The following KIAA1328 variants were observed in gnomAD, a reference collection of about 807,000 sequenced individuals.
KIAA1328 encodes KIAA1328.
In KIAA1328, 52 loss-of-function variants were observed where a neutral mutation model predicts 68.1. That is an observed-to-expected ratio of 0.76 (90% confidence interval 0.61 to 0.96). KIAA1328 has a LOEUF of 0.96. KIAA1328 is among the 40% of genes least tolerant of loss of function. KIAA1328 has a pLI of 0.00. For missense variants in KIAA1328, 641 were observed against 677.6 expected (o/e 0.95, Z 0.60); for synonymous variants, 232 against 239.4 (o/e 0.97, Z 0.28).
Position 37,225,203 on chromosome 18 carries a change from G to C in KIAA1328, c.*2976G>C, listed in dbSNP as rs2060625410. 1 of 985,548 alleles carries C rather than the reference G, an allele frequency of 1.0e-6. No individual in the cohort carries two copies. The highest frequency in any genetic ancestry group is 6.1e-5 in the Admixed American group (1 of 16,294). The allele number at this position is 985,548 out of a possible 1,614,324, so 61.1% of individuals were successfully genotyped here. On this transcript the variant is annotated 3_prime_UTR_variant, in exon 10 of 10. Coordinates refer to ENST00000280020, the MANE Select transcript of KIAA1328 (RefSeq NM_020776.3). Reference sequence around the variant, plus strand: ...GAGCTGGACGAAGTCTGCTAAGAGAGATGGAGGCTGTGGCGGACTCCTTCC... The same window carrying C: ...GAGCTGGACGAAGTCTGCTAAGAGACATGGAGGCTGTGGCGGACTCCTTCC...
At position 37,225,099 on chromosome 18, in the gene KIAA1328, G is replaced by C; in HGVS notation, c.*2872G>C. 1.0e-6 allele frequency: 1 copy of C among 985,422 alleles called. No homozygotes were observed. Among genetic ancestry groups the C allele is most frequent in the African/African-American group, 1.7e-5 (1 of 57,336 alleles). 61.0% of individuals were successfully genotyped at this position (985,422 alleles called of 1,614,324 possible). On this transcript the variant is annotated 3_prime_UTR_variant, in exon 10 of 10. Coordinates refer to ENST00000280020, the MANE Select transcript of KIAA1328 (RefSeq NM_020776.3). Reference sequence around the variant, plus strand: ...GCTCCCTCAGAGCTACTCTTCACTTGTCCCTGCTTCCGGCACCAAGTTCAT... The same window carrying C: ...GCTCCCTCAGAGCTACTCTTCACTTCTCCCTGCTTCCGGCACCAAGTTCAT...
At chr18:36,988,664 C>A (rs1304525509) in intron 6 of KIAA1328, among the ~76,000 whole-genome samples, 1 of 152,162 alleles carries the variant, frequency 6.6e-6, no homozygotes, top group Non-Finnish European at 1.5e-5. Flanking sequence ...CTCAAGGATT[C>A]TTTCAGAATG....
chr18:37,032,022 A>C (rs1328911601), intron 6 of KIAA1328, among the ~76,000 whole-genome samples: 1 of 151,940 alleles, frequency 6.6e-6, no homozygotes, highest in Non-Finnish European at 1.5e-5. Context: ...AAACAAAAAA[A>C]CTAAAATACT....
intron 7 of KIAA1328, among the ~76,000 whole-genome samples, chr18:37,125,243 C>G (rs2151943367): frequency 6.6e-6 from 1 of 152,124 alleles, no homozygotes; most frequent in Non-Finnish European, 1.5e-5. Flanking sequence ...TCAGCTGAAC[C>G]TGGGAAGTCA....
At chr18:37,048,569 G>A (rs1050816404) in intron 6 of KIAA1328, among the ~76,000 whole-genome samples, 2 of 147,042 alleles carry the variant, frequency 1.4e-5, no homozygotes, top group East Asian at 4.1e-4. Flanking sequence ...CCCTTTTCAT[G>A]GAACATTGTA....
At chr18:36,871,696 G>A (rs893968311) in intron 4 of KIAA1328, among the ~76,000 whole-genome samples, 9 of 152,154 alleles carry the variant, frequency 5.9e-5, no homozygotes, top group African/African-American at 2.2e-4. Context: ...GAAGGTGGAA[G>A]AGACCGCAAG....
chr18:37,026,536 G>C (rs1304580747), intron 6 of KIAA1328, among the ~76,000 whole-genome samples: 4 of 152,132 alleles, frequency 2.6e-5, no homozygotes, highest in Non-Finnish European at 5.9e-5. Flanking sequence ...TGACCAAGTG[G>C]TCTTCATCCC....
intron 7 of KIAA1328, among the ~76,000 whole-genome samples, chr18:37,152,234 A>G (rs867834778): frequency 2.6e-5 from 4 of 152,268 alleles, no homozygotes; most frequent in South Asian, 4.1e-4. Context: ...CTTTTATAGC[A>G]TCTTCAACAA....
rs144965928 is a variant in KIAA1328 at position 37,057,388 on chromosome 18, G to A, written c.577-9502G>A. On this transcript the variant is annotated intron_variant, in intron 6 of 9. Coordinates refer to ENST00000280020, the MANE Select transcript of KIAA1328 (RefSeq NM_020776.3). ...TTAAAGAACCATCATTAAATGGTTG[G>A]GGGAAAAGGATATTTCATGAAATTG... Among the ~76,000 whole-genome samples the A allele has an allele frequency of 4.7e-3, 713 of 151,754 alleles. 7 individuals carry two copies. Among genetic ancestry groups the A allele is most frequent in the African/African-American group, 0.016 (677 of 41,384 alleles).
intron 5 of KIAA1328, chr18:36,903,503 G>A (rs1292857295): frequency 6.6e-6 from 1 of 152,098 alleles, no homozygotes; most frequent in East Asian, 1.9e-4. Flanking sequence ...GGTGACTTTA[G>A]GGGAAATGTT....
At position 37,223,863 on chromosome 18, in the gene KIAA1328, A is replaced by C. The variant is rs1371319375; in HGVS notation, c.*1636A>C. The stretch of plus-strand genomic sequence containing the variant: ...TTTGGAGTAGAAAAGAATGGAGCCC[A>C]CTAATATTATATTTTTCTTCTGAAA... On this transcript the variant is annotated 3_prime_UTR_variant, in exon 10 of 10. Transcript: ENST00000280020. 1 of 983,746 alleles carries C rather than the reference A, an allele frequency of 1.0e-6. No individual in the cohort carries two copies. Among genetic ancestry groups the C allele is most frequent in the Non-Finnish European group, 1.2e-6 (1 of 828,522 alleles). The allele number at this position is 983,746 out of a possible 1,614,324, so 60.9% of individuals were successfully genotyped here. A position where few individuals can be genotyped will look rare whatever the true frequency, so the allele number is the denominator to read the frequency against.
chr18:37,062,021 G>C (rs950971427), intron 6 of KIAA1328, among the ~76,000 whole-genome samples: 1 of 152,162 alleles, frequency 6.6e-6, no homozygotes, highest in South Asian at 2.1e-4. Context: ...CTTTATGTTA[G>C]ATATGGTCCA....
chr18:37,105,916 C>CAAAAAAAAAAAAAAAAAAAAAAAAA (rs58940699), intron 7 of KIAA1328, among the ~76,000 whole-genome samples: 3 of 19,502 alleles, frequency 1.5e-4, no homozygotes, highest in African/African-American at 3.5e-4. Flanking sequence ...GACTCTGTGT[C>CAAAAAAAAAAAAAAAAAAAAAAAAA]AAAAAAAAAA....
chr18:37,024,830 A>G (rs950000584), intron 6 of KIAA1328, among the ~76,000 whole-genome samples: 1 of 152,152 alleles, frequency 6.6e-6, no homozygotes, highest in African/African-American at 2.4e-5. Flanking sequence ...TAGTGATGCA[A>G]AAAACATACA....
intron 9 of KIAA1328, among the ~76,000 whole-genome samples, chr18:37,220,033 G>A (rs2060527418): frequency 6.6e-6 from 1 of 152,220 alleles, no homozygotes; most frequent in South Asian, 2.1e-4. Flanking sequence ...TGACAGTGGA[G>A]CTGCTAAGAG....
chr18:37,034,508 A>G (rs2054953896), intron 6 of KIAA1328, among the ~76,000 whole-genome samples: 1 of 152,172 alleles, frequency 6.6e-6, no homozygotes, highest in South Asian at 2.1e-4. Flanking sequence ...TACTGGTTTT[A>G]CTCTAGGTTA....
At chr18:36,852,487 A>G (rs1011692482) in intron 4 of KIAA1328, among the ~76,000 whole-genome samples, 1 of 152,144 alleles carries the variant, frequency 6.6e-6, no homozygotes, top group Non-Finnish European at 1.5e-5. Flanking sequence ...ACCTAGGCAC[A>G]AGTGTTTCTT....
intron 6 of KIAA1328, among the ~76,000 whole-genome samples, chr18:37,036,457 A>G (rs891812399): frequency 6.6e-6 from 1 of 152,220 alleles, no homozygotes; most frequent in African/African-American, 2.4e-5. Context: ...GGTGAGACTG[A>G]TTGGTAGAAG....
intron 6 of KIAA1328, among the ~76,000 whole-genome samples, chr18:37,000,794 C>G (rs890418501): frequency 3.3e-5 from 5 of 151,846 alleles, no homozygotes; most frequent in African/African-American, 1.2e-4. Flanking sequence ...GAATGACCAT[C>G]ATGAAAATGA....
Sources: allele counts gnomAD v4.1 joint callset (sites outside exome capture counted in the v4.1 genomes callset), GRCh38; gene constraint gnomAD v4.1.1; transcripts MANE v1.5; gene names NCBI Gene and HGNC (gene_info 2026-07-23, HGNC 2026-07-21).